The following BMERB1 variants were observed in gnomAD, a reference collection of about 807,000 sequenced individuals.
BMERB1 encodes the protein bMERB domain-containing protein 1.
Under a neutral mutation model 23.6 loss-of-function variants are expected in BMERB1, and 12 were observed. That is an observed-to-expected ratio of 0.51 (90% CI 0.33 to 0.82). BMERB1 has a LOEUF of 0.82. BMERB1 is among the 40% of genes least tolerant of loss of function. The pLI is 0.03. For synonymous variants in BMERB1, 122 were observed against 96.6 expected, an observed-to-expected ratio of 1.26 and a Z score of -1.54; for missense variants, 247 against 255.4, an observed-to-expected ratio of 0.97 and a Z score of 0.22.
intron 5 of BMERB1, among the ~76,000 whole-genome samples, chr16:15,583,640 A>G (rs1213749387): frequency 1.3e-5 from 2 of 152,072 alleles, no homozygotes; most frequent in African/African-American, 4.8e-5. Context: ...GGGCGCAACA[A>G]AATGCTTTCT....
intron 1 of BMERB1, among the ~76,000 whole-genome samples, chr16:15,477,742 C>T (rs954423733): frequency 2.0e-5 from 3 of 150,354 alleles, no homozygotes; most frequent in Non-Finnish European, 4.4e-5. Flanking sequence ...GGTAGTGGTT[C>T]CAGGTCAGAG....
At chr16:15,509,335 TG>T (rs1172348337) in intron 1 of BMERB1, among the ~76,000 whole-genome samples, 47 of 42,122 alleles carry the variant, frequency 1.1e-3, no homozygotes, top group Admixed American at 1.6e-3. Context: ...GGAAGGGGGG[TG>T]GGGGGGGAGA....
At chr16:15,484,861 C>T (rs1486863958) in intron 1 of BMERB1, among the ~76,000 whole-genome samples, 1 of 152,180 alleles carries the variant, frequency 6.6e-6, no homozygotes, top group Non-Finnish European at 1.5e-5. Flanking sequence ...AACCACTTAC[C>T]CATTGACCCC....
intron 1 of BMERB1, among the ~76,000 whole-genome samples, chr16:15,466,791 A>C (rs748765916): frequency 6.6e-6 from 1 of 152,154 alleles, no homozygotes; most frequent in Non-Finnish European, 1.5e-5. Flanking sequence ...GACTATCAAC[A>C]AAGTCAAGAT....
At chr16:15,541,953 G>A (rs934734224) in intron 2 of BMERB1, among the ~76,000 whole-genome samples, 9 of 143,118 alleles carry the variant, frequency 6.3e-5, no homozygotes, top group Non-Finnish European at 1.1e-4. Context: ...GCTATGTTGT[G>A]CAGGCTGGTC....
At chr16:15,560,875 A>G (rs2030397325) in intron 2 of BMERB1, among the ~76,000 whole-genome samples, 1 of 151,826 alleles carries the variant, frequency 6.6e-6, no homozygotes, top group Admixed American at 6.6e-5. Flanking sequence ...ATTTTTAAAA[A>G]GGTTTTACTT....
At chr16:15,533,003 CA>C (rs2051984821) in intron 2 of BMERB1, 1 of 455,812 alleles carries the variant, frequency 2.2e-6, no homozygotes, top group Non-Finnish European at 4.4e-6. Flanking sequence ...CAATCTTGCA[CA>C]AATATCTTAC....
chr16:15,491,110 A>G (rs1170437170), intron 1 of BMERB1, among the ~76,000 whole-genome samples: 1 of 152,218 alleles, frequency 6.6e-6, no homozygotes, highest in African/African-American at 2.4e-5. Context: ...TCGGCCTCCC[A>G]AAGTGTTGGG....
At chr16:15,509,326 G>C (rs1486123046) in intron 1 of BMERB1, among the ~76,000 whole-genome samples, 1 of 129,892 alleles carries the variant, frequency 7.7e-6, no homozygotes, top group Non-Finnish European at 1.6e-5. Context: ...TTGTGGAGTG[G>C]AAGGGGGGTG....
chr16:15,532,206 G>A (rs149531195), intron 2 of BMERB1, among the ~76,000 whole-genome samples: 132 of 152,022 alleles, frequency 8.7e-4, no homozygotes, highest in Non-Finnish European at 1.5e-3. Context: ...TGCCAAACGT[G>A]GTAGGATCCC....
chr16:15,468,135 C>CTT (rs749534588), intron 1 of BMERB1, among the ~76,000 whole-genome samples: 25 of 31,046 alleles, frequency 8.1e-4, no homozygotes, highest in African/African-American at 1.6e-3. Context: ...CTTTCTTCTT[C>CTT]TTTTTTTTTT....
chr16:15,501,041 G>A (rs566891594), intron 1 of BMERB1, among the ~76,000 whole-genome samples: 2 of 152,230 alleles, frequency 1.3e-5, no homozygotes, highest in South Asian at 2.1e-4. Flanking sequence ...CATCTCATTC[G>A]TATCTTTAAT....
chr16:15,566,368 A>C (rs1481922415), intron 2 of BMERB1, among the ~76,000 whole-genome samples: 1 of 152,204 alleles, frequency 6.6e-6, no homozygotes, highest in African/African-American at 2.4e-5. Context: ...GGAAATTCCT[A>C]CTACAATGTA....
chr16:15,496,212 G>A (rs2051471875), intron 1 of BMERB1, among the ~76,000 whole-genome samples: 1 of 152,054 alleles, frequency 6.6e-6, no homozygotes, highest in South Asian at 2.1e-4. Flanking sequence ...AGTGGTGATG[G>A]TGATGGTAAA....
chr16:15,498,608 G>T (rs1429438456), intron 1 of BMERB1, among the ~76,000 whole-genome samples: 1 of 148,510 alleles, frequency 6.7e-6, no homozygotes. Context: ...GAGAAAGGAA[G>T]GAAGGAAAAA....
chr16:15,441,076 G>A (rs544706957), intron 1 of BMERB1, among the ~76,000 whole-genome samples: 1 of 152,216 alleles, frequency 6.6e-6, no homozygotes, highest in African/African-American at 2.4e-5. Flanking sequence ...GTGAAGGGCA[G>A]ATGAATCAGA....
At chr16:15,496,561 GAC>G (rs778130890) in intron 1 of BMERB1, among the ~76,000 whole-genome samples, 2 of 148,252 alleles carry the variant, frequency 1.3e-5, no homozygotes, top group Non-Finnish European at 3.0e-5. Flanking sequence ...TTTTTTTTGA[GAC>G]AGTCTTGCTC....
chr16:15,567,624 A>G (rs1251854352), intron 2 of BMERB1, among the ~76,000 whole-genome samples: 2 of 152,208 alleles, frequency 1.3e-5, no homozygotes, highest in South Asian at 2.1e-4. Flanking sequence ...TTAGCTGGGC[A>G]TGGTGGCAGG....
intron 1 of BMERB1, among the ~76,000 whole-genome samples, chr16:15,476,714 G>A (rs2051277806): frequency 6.6e-6 from 1 of 152,228 alleles, no homozygotes; most frequent in African/African-American, 2.4e-5. Context: ...TCTGCTGAAG[G>A]GGAGGGGAGA....
Sources: gnomAD v4.1 joint callset for allele counts (sites outside exome capture counted in the v4.1 genomes callset) on GRCh38, gnomAD v4.1.1 for gene constraint, MANE v1.5 for transcripts, NCBI Gene and HGNC (gene_info 2026-07-23, HGNC 2026-07-21) for gene names.